HTR2A: variants seen among roughly 807,000 people sequenced by gnomAD.
HTR2A encodes the protein 5-hydroxytryptamine receptor 2A.
A neutral mutation model predicts 31.0 loss-of-function variants in HTR2A; 14 were observed. The observed-to-expected ratio is 0.45, with a 90% confidence interval of 0.30 to 0.71. HTR2A has a LOEUF of 0.71. Ranked by LOEUF, HTR2A falls within the 30% of genes least tolerant of loss-of-function variation. The pLI, the probability that HTR2A is intolerant of heterozygous loss-of-function variation, is 0.09. For missense variants in HTR2A, 442 were observed against 573.3 expected (o/e 0.77, Z 2.34); for synonymous variants, 209 against 225.2 (o/e 0.93, Z 0.64).
intron 3 of HTR2A, among the ~76,000 whole-genome samples, chr13:46,842,163 T>G (rs984756032): frequency 6.6e-6 from 1 of 152,162 alleles, no homozygotes; most frequent in African/African-American, 2.4e-5. Context: ...GGGGGCAAAA[T>G]CAAGACCTGC....
At chr13:46,837,362 T>C (rs1042199221) in intron 3 of HTR2A, among the ~76,000 whole-genome samples, 6 of 152,056 alleles carry the variant, frequency 3.9e-5, no homozygotes, top group African/African-American at 1.4e-4. Flanking sequence ...ATCAGGATGA[T>C]AAAAAAGAGA....
rs752143487 is a variant in HTR2A, at chr13:46,835,025, A to T, written c.1228T>A (p.Leu410Ile). Reference sequence around the variant, plus strand: ...GCCAAAGCCGGTATTGTGTTCACTAAAATTAACTGCAATGGTTTTTTGTTT... The same window carrying T: ...GCCAAAGCCGGTATTGTGTTCACTATAATTAACTGCAATGGTTTTTTGTTT... Reference protein sequence around the residue: ...KENKKPLQLILVNTIPALAYK... With the variant: ...KENKKPLQLIIVNTIPALAYK... Residue 410 changes from leucine to isoleucine, a missense_variant, in exon 4 of 4, where the codon TTA becomes ATA. Transcript: ENST00000542664. The T allele has an allele frequency of 3.7e-6, 6 of 1,614,000 alleles. No individual in the cohort carries two copies. Among genetic ancestry groups the T allele is most frequent in the Non-Finnish European group, 8.5e-7 (1 of 1,179,998 alleles).
Position 46,834,976 on chromosome 13 carries a change from A to T in HTR2A, c.1277T>A (p.Met426Lys). Residue 426 changes from methionine to lysine, a missense_variant, in exon 4 of 4, where the codon ATG (methionine) becomes AAG (lysine). Transcript: ENST00000542664. ...ALAYKSSQLQ[M>K]GQKKNSKQDA... ...TTGCTTTGAATTCTTTTTTTGTCCC[A>T]TTTGAAGTTGGCTAGACTTGTAGGC... 1 of 1,614,058 alleles carries T rather than the reference A, an allele frequency of 6.2e-7. No individual in the cohort carries two copies. Among genetic ancestry groups the T allele is most frequent in the Non-Finnish European group, 8.5e-7 (1 of 1,179,976 alleles).
intron 3 of HTR2A, among the ~76,000 whole-genome samples, chr13:46,861,721 T>G (rs1400105367): frequency 6.6e-6 from 1 of 152,240 alleles, no homozygotes; most frequent in Non-Finnish European, 1.5e-5. Context: ...GAGGAGTGGA[T>G]TATTTCAGAG....
intron 3 of HTR2A, among the ~76,000 whole-genome samples, chr13:46,854,463 C>A (rs1031865564): frequency 4.6e-5 from 7 of 152,178 alleles, no homozygotes; most frequent in Admixed American, 2.6e-4. Context: ...TTTTATATTA[C>A]AAGAGGGGCA....
upstream of HTR2A, among the ~76,000 whole-genome samples, chr13:46,897,926 G>T (rs1006401409): frequency 1.2e-4 from 19 of 152,068 alleles, no homozygotes. Flanking sequence ...GCATCCCCCT[G>T]CCCGGCTCTC....
At position 46,833,566 on chromosome 13, in the gene HTR2A, T is replaced by C. The variant is rs914461239; in HGVS notation, c.*1271A>G. 1 of 152,020 alleles carries C rather than the reference T, an allele frequency of 6.6e-6. No individual in the cohort carries two copies. The highest frequency in any genetic ancestry group is 1.5e-5 in the Non-Finnish European group (1 of 68,010). The allele number at this position is 152,020 out of a possible 1,614,324, so 9.4% of individuals were successfully genotyped here. On this transcript the variant is annotated 3_prime_UTR_variant, in exon 4 of 4. Transcript: ENST00000542664. ...TTTGTAGAGACAGGGAGGTCTCACT[T>C]TGTTACCCAGGTTGGTCTCAAACTC...
At chr13:46,872,363 C>T (rs677702) in intron 3 of HTR2A, among the ~76,000 whole-genome samples, 26,339 of 152,046 alleles carry the variant, frequency 0.17, 2,484 homozygotes, top group Admixed American at 0.2. Flanking sequence ...AATGGAAGTG[C>T]TAATATTAAC....
intron 3 of HTR2A, among the ~76,000 whole-genome samples, chr13:46,855,345 C>T (rs1388631384): frequency 1.3e-5 from 2 of 152,304 alleles, no homozygotes; most frequent in South Asian, 2.1e-4. Flanking sequence ...TGTGAAAAGG[C>T]TGATATGTAA....
Position 46,896,918 on chromosome 13 carries a change from G to T in HTR2A, c.-573C>A. The T allele has an allele frequency of 8.7e-7, 1 of 1,152,276 alleles. No homozygotes were observed. Among genetic ancestry groups the T allele is most frequent in the Non-Finnish European group, 1.2e-6 (1 of 815,278 alleles). 71.4% of individuals were successfully genotyped at this position (1,152,276 alleles called of 1,614,324 possible). A position where few individuals can be genotyped will look rare whatever the true frequency, so the allele number is the denominator to read the frequency against. ...CGGCTGGGTTCCTCCCTCCCTGTGC[G>T]GCTCGCCTCAGCAGGCACACATTTA... On this transcript the variant is annotated 5_prime_UTR_variant, in exon 1 of 4. Transcript: ENST00000542664.
At chr13:46,875,067 C>G (rs907872873) in intron 3 of HTR2A, among the ~76,000 whole-genome samples, 1 of 152,136 alleles carries the variant, frequency 6.6e-6, no homozygotes, top group African/African-American at 2.4e-5. Context: ...AGTAGACAGA[C>G]CTTTGATTTC....
At chr13:46,844,301 AT>A (rs1160462086) in intron 3 of HTR2A, among the ~76,000 whole-genome samples, 1 of 152,214 alleles carries the variant, frequency 6.6e-6, no homozygotes, top group East Asian at 1.9e-4. Context: ...AGAGTTGGGA[AT>A]TATAATACAC....
chr13:46,895,266 G>C lies in HTR2A; in HGVS notation c.412+229C>G. ...ATGATCATTTTTACACAGGATGTAC[G>C]CGTTTTGAAGCACAAAACTCTCCAG... On this transcript the variant is annotated intron_variant, in intron 2 of 3. Transcript: ENST00000542664. This position sits in a 1 kb window ranked among gnomAD's most constrained non-coding sequence, Gnocchi z 4.4. 2.2e-6 allele frequency: 1 copy of C among 460,528 alleles called. No individual in the cohort carries two copies. Among genetic ancestry groups the C allele is most frequent in the Non-Finnish European group, 3.9e-6 (1 of 259,044 alleles). The allele number at this position is 460,528 out of a possible 1,614,324, so 28.5% of individuals were successfully genotyped here.
chr13:46,852,418 T>C (rs1950693523), intron 3 of HTR2A, among the ~76,000 whole-genome samples: 1 of 152,206 alleles, frequency 6.6e-6, no homozygotes, highest in Non-Finnish European at 1.5e-5. Flanking sequence ...GCTGGCCACG[T>C]CTGCTTACAC....
chr13:46,889,803 AAACTC>A (rs1764953558), intron 3 of HTR2A, among the ~76,000 whole-genome samples: 2 of 152,254 alleles, frequency 1.3e-5, no homozygotes. Flanking sequence ...CACTAGAAGA[AAACTC>A]AAGAGAATAT....
intron 3 of HTR2A, among the ~76,000 whole-genome samples, chr13:46,849,645 T>C (rs1950667218): frequency 6.6e-6 from 1 of 152,198 alleles, no homozygotes; most frequent in African/African-American, 2.4e-5. Context: ...CACGCCACTC[T>C]CTACTGATAT....
intron 3 of HTR2A, among the ~76,000 whole-genome samples, chr13:46,891,937 C>G (rs1951056320): frequency 6.6e-6 from 1 of 152,204 alleles, no homozygotes; most frequent in South Asian, 2.1e-4. Flanking sequence ...TGGCACTTTC[C>G]TCTGGCCCAC....
In HTR2A at chr13:46,896,876, CT is replaced by C; in HGVS notation, c.-532del. ...TCCCGCACTGCTAGGATCCTGTTGG[CT>C]TCCTCTGGCACGGCTCGGCTGGGTT... On this transcript the variant is annotated 5_prime_UTR_variant, in exon 1 of 4. An upstream open reading frame in the 5' UTR gains an earlier in-frame stop. Coordinates refer to ENST00000542664, the MANE Select transcript of HTR2A (RefSeq NM_000621.5). 2 of 1,522,932 alleles carry C rather than the reference CT, an allele frequency of 1.3e-6. No homozygotes were observed. Among genetic ancestry groups the C allele is most frequent in the Non-Finnish European group, 1.8e-6 (2 of 1,136,766 alleles). 94.3% of individuals were successfully genotyped at this position (1,522,932 alleles called of 1,614,324 possible).
chr13:46,847,410 T>C (rs921119140), intron 3 of HTR2A, among the ~76,000 whole-genome samples: 2 of 152,194 alleles, frequency 1.3e-5, no homozygotes, highest in Non-Finnish European at 2.9e-5. Flanking sequence ...CTCAAATGCT[T>C]ACAGGGCCAG....
Sources: gnomAD v4.1 joint callset for allele counts (sites outside exome capture counted in the v4.1 genomes callset) on GRCh38, gnomAD v4.1.1 for gene constraint, Gnocchi (gnomAD v3.1) non-coding constraint, MANE v1.5 for transcripts, NCBI Gene and HGNC (gene_info 2026-07-23, HGNC 2026-07-21) for gene names.